Variants in ABI3BP observed in about 807,000 individuals in gnomAD.
ABI3BP encodes the protein ABI family member 3 binding protein, also known as target of Nesh-SH3.
A neutral mutation model predicts 268.6 loss-of-function variants in ABI3BP; 216 were observed. The ratio of observed to expected loss-of-function variants is 0.80; its 90% CI spans 0.72 to 0.90. The LOEUF (loss-of-function observed/expected upper bound fraction) is 0.90. ABI3BP is among the 40% of genes least tolerant of loss of function. The pLI is 0.00. For synonymous variants in ABI3BP, 730 were observed against 730.0 expected (o/e 1.00, Z 0.00); for missense variants, 2,090 against 2,182.4 (o/e 0.96, Z 0.84).
At chr3:100,777,832 TC>T (rs1450074719) in intron 59 of ABI3BP, among the ~76,000 whole-genome samples, 1 of 152,170 alleles carries the variant, frequency 6.6e-6, no homozygotes, top group East Asian at 1.9e-4. Context: ...TCCCAGATCT[TC>T]CCCTGAGCAC....
chr3:100,833,187 T>A (rs1323878159), intron 29 of ABI3BP, 30 bp from the exon 30 acceptor site: 6 of 1,518,754 alleles, frequency 4.0e-6, no homozygotes, highest in Non-Finnish European at 5.3e-6. Flanking sequence ...AAAGCAATTT[T>A]AAAAAGAAAT....
intron 63 of ABI3BP, among the ~76,000 whole-genome samples, chr3:100,762,052 C>G (rs1176268451): frequency 6.6e-6 from 1 of 152,174 alleles, no homozygotes; most frequent in African/African-American, 2.4e-5. Flanking sequence ...TTGCCATACA[C>G]TTTGATTCCA....
chr3:100,854,702 C>T (rs920529996), intron 14 of ABI3BP, among the ~76,000 whole-genome samples: 5 of 152,100 alleles, frequency 3.3e-5, no homozygotes, highest in Admixed American at 2.6e-4. Flanking sequence ...TTTGCATTCA[C>T]AGAACATACA....
At chr3:100,840,274 CAT>C in intron 22 of ABI3BP, 110 bp from the exon 23 acceptor site, 2 of 825,784 alleles carry the variant, frequency 2.4e-6, no homozygotes, top group African/African-American at 3.5e-5. Flanking sequence ...TTACTGTGGA[CAT>C]GTTTCCATCT....
intron 4 of ABI3BP, among the ~76,000 whole-genome samples, chr3:100,892,689 CCTT>C (rs2045318267): frequency 1.3e-5 from 2 of 152,248 alleles, no homozygotes; most frequent in South Asian, 4.1e-4. Flanking sequence ...TTCTCAGGCT[CCTT>C]CTCAGGCCTA....
chr3:100,804,696 G>A, intron 51 of ABI3BP, 96 bp downstream of exon 51: 9 of 1,115,640 alleles, frequency 8.1e-6, no homozygotes, highest in East Asian at 2.4e-5. Flanking sequence ...AAACATAAGT[G>A]AAATATTGAC....
intron 13 of ABI3BP, 79 bp from the exon 14 acceptor site, chr3:100,862,464 T>C: frequency 3.2e-6 from 3 of 940,674 alleles, no homozygotes. Context: ...AGGTTGCTGG[T>C]ATGGTTAAGT....
intron 62 of ABI3BP, among the ~76,000 whole-genome samples, chr3:100,767,311 T>C (rs2096322647): frequency 6.6e-6 from 1 of 152,212 alleles, no homozygotes; most frequent in Non-Finnish European, 1.5e-5. Context: ...CAATTTTGTA[T>C]GACCATTCTT....
At chr3:100,779,652 G>A (rs922719531) in intron 58 of ABI3BP, among the ~76,000 whole-genome samples, 7 of 151,518 alleles carry the variant, frequency 4.6e-5, no homozygotes, top group Non-Finnish European at 7.4e-5. Context: ...GGAGTGTACT[G>A]GTAGTTGACA....
chr3:100,816,767 AGC>A lies in ABI3BP; in HGVS notation c.3149-1_3149del. The A allele has an allele frequency of 4.6e-6, 7 of 1,535,692 alleles. No homozygotes were observed. The highest frequency in any genetic ancestry group is 6.1e-6 in the Non-Finnish European group (7 of 1,146,580). On this transcript the variant is annotated splice_acceptor_variant and coding_sequence_variant, in exon 43 of 68. Coordinates refer to ENST00000471714, the MANE Select transcript of ABI3BP (RefSeq NM_001375547.2). LOFTEE classifies it high-confidence loss of function. Reference sequence around the variant, plus strand: ...GACGACGTGTCCGTTGTGTTTTAGGAGCTGAAGGAAGAAACTTTGGATTACTC... The same window carrying A: ...GACGACGTGTCCGTTGTGTTTTAGGATGAAGGAAGAAACTTTGGATTACTC...
At chr3:100,977,524 G>GA (rs1161408263) in intron 1 of ABI3BP, among the ~76,000 whole-genome samples, 1 of 152,176 alleles carries the variant, frequency 6.6e-6, no homozygotes, top group African/African-American at 2.4e-5. Context: ...ATATAGGCAC[G>GA]AAATCTAAGC....
intron 40 of ABI3BP, among the ~76,000 whole-genome samples, chr3:100,818,882 A>G (rs1407246758): frequency 2.6e-5 from 4 of 152,206 alleles, no homozygotes; most frequent in Non-Finnish European, 5.9e-5. Context: ...CATTTTGCCA[A>G]ATATATACTT....
intron 1 of ABI3BP, 95 bp downstream of exon 1, chr3:100,993,211 C>T (rs1213992762): frequency 2.3e-6 from 2 of 878,024 alleles, no homozygotes; most frequent in Admixed American, 2.4e-5. Context: ...ACTCTATTCC[C>T]CCCGTATGGT....
chr3:100,880,809 G>T (rs2099221160), intron 6 of ABI3BP, among the ~76,000 whole-genome samples: 1 of 152,162 alleles, frequency 6.6e-6, no homozygotes, highest in Admixed American at 6.5e-5. Flanking sequence ...CTGTAATAAA[G>T]TTAGTGATAA....
At chr3:100,897,395 T>C (rs375115812) in intron 4 of ABI3BP, among the ~76,000 whole-genome samples, 1 of 149,594 alleles carries the variant, frequency 6.7e-6, no homozygotes, top group South Asian at 2.1e-4. Flanking sequence ...TCTGTATTCA[T>C]ATACATAAAA....
intron 14 of ABI3BP, among the ~76,000 whole-genome samples, chr3:100,859,963 T>C (rs1183861159): frequency 6.6e-6 from 1 of 152,150 alleles, no homozygotes; most frequent in South Asian, 2.1e-4. Flanking sequence ...TCTCAGCTAC[T>C]CAGGAGGCTG....
chr3:100,921,516 A>T (rs570053074), intron 2 of ABI3BP, among the ~76,000 whole-genome samples: 3 of 144,336 alleles, frequency 2.1e-5, no homozygotes, highest in Admixed American at 6.9e-5. Context: ...TGATGTGAGT[A>T]AAAAAAAAAA....
intron 61 of ABI3BP, among the ~76,000 whole-genome samples, chr3:100,772,615 CA>C (rs1381244566): frequency 7.3e-5 from 11 of 151,220 alleles, no homozygotes; most frequent in African/African-American, 2.4e-4. Flanking sequence ...GTTAATAAGA[CA>C]ACAAAAAAGA....
chr3:100,939,073 T>G (rs1561867766), intron 1 of ABI3BP, among the ~76,000 whole-genome samples: 1 of 152,102 alleles, frequency 6.6e-6, no homozygotes, highest in Non-Finnish European at 1.5e-5. Context: ...ATATATCTCA[T>G]TTTATCCTGG....
Sources: gnomAD v4.1 joint callset for allele counts (sites outside exome capture counted in the v4.1 genomes callset) on GRCh38, gnomAD v4.1.1 for gene constraint, MANE v1.5 for transcripts, NCBI Gene and HGNC (gene_info 2026-07-23, HGNC 2026-07-21) for gene names.